Variants in SLC39A11 observed in about 807,000 individuals in gnomAD.
SLC39A11 encodes the protein zinc transporter ZIP11.
Under a neutral mutation model 36.1 loss-of-function variants are expected in SLC39A11, and 33 were observed. The ratio of observed to expected loss-of-function variants is 0.91; its 90% confidence interval spans 0.69 to 1.22. The LOEUF (loss-of-function observed/expected upper bound fraction) is 1.22, where lower values mean the gene tolerates loss of function less well. SLC39A11 is among the 50% of genes most tolerant of loss of function. SLC39A11 has a pLI of 0.00. For missense variants in SLC39A11, 432 were observed against 430.3 expected (o/e 1.00, Z -0.03); for synonymous variants, 166 against 170.3 (o/e 0.97, Z 0.20).
intron 5 of SLC39A11, among the ~76,000 whole-genome samples, chr17:72,939,836 C>T (rs1000535776): frequency 1.3e-5 from 2 of 152,266 alleles, no homozygotes; most frequent in South Asian, 2.1e-4. Flanking sequence ...AGATAACCAT[C>T]CCTTCTCTGA....
chr17:72,911,375 C>T (rs1036466138), intron 5 of SLC39A11, among the ~76,000 whole-genome samples: 4 of 151,772 alleles, frequency 2.6e-5, no homozygotes, highest in African/African-American at 9.7e-5. Context: ...ATATAACAAA[C>T]CTGCACGTTG....
chr17:72,921,306 C>T (rs571154973), intron 5 of SLC39A11, among the ~76,000 whole-genome samples: 9 of 152,202 alleles, frequency 5.9e-5, no homozygotes, highest in Non-Finnish European at 7.4e-5. Context: ...AGTTCTTCCA[C>T]GGGGGGATCA....
At chr17:72,657,736 G>A (rs1403590244) in intron 7 of SLC39A11, among the ~76,000 whole-genome samples, 3 of 152,170 alleles carry the variant, frequency 2.0e-5, no homozygotes, top group African/African-American at 7.2e-5. Flanking sequence ...GGTGGCAGAG[G>A]CAAGCTAGGG....
At chr17:72,865,880 C>T (rs989133306) in intron 5 of SLC39A11, among the ~76,000 whole-genome samples, 2 of 152,168 alleles carry the variant, frequency 1.3e-5, no homozygotes, top group African/African-American at 2.4e-5. Context: ...AAAATAAAAT[C>T]CACAGTCATT....
intron 7 of SLC39A11, among the ~76,000 whole-genome samples, chr17:72,669,182 C>G (rs1270921577): frequency 1.3e-5 from 2 of 152,158 alleles, no homozygotes; most frequent in East Asian, 3.8e-4. Context: ...ATATAGGTTG[C>G]TCTACCTCAA....
chr17:73,006,772 A>T (rs2090205332), intron 4 of SLC39A11, among the ~76,000 whole-genome samples: 1 of 152,202 alleles, frequency 6.6e-6, no homozygotes, highest in Non-Finnish European at 1.5e-5. Flanking sequence ...CACTGCAGAC[A>T]GTACGTGATT....
chr17:73,019,540 A>G (rs1179055315), intron 4 of SLC39A11, among the ~76,000 whole-genome samples: 1 of 152,206 alleles, frequency 6.6e-6, no homozygotes, highest in Non-Finnish European at 1.5e-5. Flanking sequence ...GACCATTACA[A>G]TGTTAATTCA....
intron 7 of SLC39A11, among the ~76,000 whole-genome samples, chr17:72,688,984 G>A (rs1344112485): frequency 6.6e-6 from 1 of 152,066 alleles, no homozygotes; most frequent in Admixed American, 6.6e-5. Context: ...CAAGACAACT[G>A]GTGTTCTGTT....
chr17:72,692,757 A>T (rs1277881294), intron 7 of SLC39A11, among the ~76,000 whole-genome samples: 1 of 152,184 alleles, frequency 6.6e-6, no homozygotes. Flanking sequence ...AAAGTTGTTC[A>T]TGTGTTCACA....
intron 6 of SLC39A11, among the ~76,000 whole-genome samples, chr17:72,785,904 G>A (rs74732204): frequency 0.014 from 2,116 of 152,162 alleles, 46 homozygotes; most frequent in African/African-American, 0.049. Flanking sequence ...AGGAAAATAT[G>A]TTAGCTTGGC....
rs536903318 is a variant in SLC39A11, at chr17:72,986,748, G to A, written c.307-38873C>T. ...TGGATATAAGACATAATCACAGGCC[G>A]GGCATGGTGGCTCATGCCTGTAATC... On this transcript the variant is annotated intron_variant, in intron 4 of 9. Coordinates refer to ENST00000255559, the MANE Select transcript of SLC39A11 (RefSeq NM_139177.4). 1.4e-4 allele frequency among the ~76,000 whole-genome samples: 22 copies of A among 152,280 alleles called. No individual in the cohort carries two copies. The South Asian group carries it at 3.7e-3, about 26-fold the overall frequency.
chr17:72,896,139 A>G (rs2082013493), intron 5 of SLC39A11, among the ~76,000 whole-genome samples: 1 of 149,878 alleles, frequency 6.7e-6, no homozygotes, highest in Admixed American at 6.6e-5. Flanking sequence ...TCAAAAATGT[A>G]TAACGTAATC....
chr17:72,985,407 C>CTTTTTTTTTTTT (rs386386576), intron 4 of SLC39A11, among the ~76,000 whole-genome samples: 12 of 78,936 alleles, frequency 1.5e-4, no homozygotes, highest in Non-Finnish European at 2.3e-4. Flanking sequence ...TGGGGCCTGC[C>CTTTTTTTTTTTT]TTTTTTTTTT....
At chr17:72,884,354 C>T (rs1056198159) in intron 5 of SLC39A11, among the ~76,000 whole-genome samples, 2 of 152,212 alleles carry the variant, frequency 1.3e-5, no homozygotes, top group Non-Finnish European at 2.9e-5. Context: ...AATGAATCCT[C>T]AGAGCGTTCA....
intron 5 of SLC39A11, among the ~76,000 whole-genome samples, chr17:72,860,186 G>A (rs545587864): frequency 4.6e-5 from 7 of 152,118 alleles, no homozygotes; most frequent in Non-Finnish European, 7.4e-5. Context: ...CCTGCACAAC[G>A]ATGGGTGCCC....
intron 7 of SLC39A11, among the ~76,000 whole-genome samples, chr17:72,729,439 ATATATATATATATATATATTTTTTT>A (rs1281924782): frequency 0.075 from 164 of 2,174 alleles, 24 homozygotes; most frequent in African/African-American, 0.22. Context: ...ATATATATAT[ATATATATATATATATATATTTTTTT>A]TTTTTTTTTT....
At chr17:73,062,505 G>A (rs2059879722) in intron 3 of SLC39A11, among the ~76,000 whole-genome samples, 1 of 141,694 alleles carries the variant, frequency 7.1e-6, no homozygotes, top group Non-Finnish European at 1.5e-5. Flanking sequence ...TCTGCTACCT[G>A]ATAGGCCATT....
In SLC39A11 at chr17:73,053,253, T is replaced by A. The variant is rs892990819; in HGVS notation, c.148-21539A>T. On this transcript the variant is annotated intron_variant, in intron 3 of 9. Transcript: ENST00000255559. ...CCCATTTGATTTTCTTTTTTTTTTT[T>A]AATTATATATGAAGAAAAAACGATA... Among the ~76,000 whole-genome samples, 1,296 of 151,472 alleles carry A rather than the reference T, an allele frequency of 8.6e-3. 14 individuals carry two copies. The highest frequency in any genetic ancestry group is 0.014 in the Non-Finnish European group (979 of 67,814).
At chr17:73,017,847 C>T (rs2058219102) in intron 4 of SLC39A11, among the ~76,000 whole-genome samples, 2 of 152,152 alleles carry the variant, frequency 1.3e-5, no homozygotes, top group Non-Finnish European at 2.9e-5. Flanking sequence ...AAGGGATATC[C>T]ATGAGTTGCT....
Sources: gnomAD v4.1 joint callset for allele counts (sites outside exome capture counted in the v4.1 genomes callset) on GRCh38, gnomAD v4.1.1 for gene constraint, MANE v1.5 for transcripts, NCBI Gene and HGNC (gene_info 2026-07-23, HGNC 2026-07-21) for gene names.